The following LRFN5 variants were observed in gnomAD, a reference collection of about 807,000 sequenced individuals.
The protein encoded by LRFN5 is leucine rich repeat and fibronectin type III domain containing 5, also known as leucine-rich repeat and fibronectin type-III domain-containing protein 5.
Under a neutral mutation model 45.6 loss-of-function variants are expected in LRFN5, and 24 were observed. That is an observed-to-expected ratio of 0.53 (90% CI 0.38 to 0.74). LRFN5 has a LOEUF of 0.74. Ranked by LOEUF, LRFN5 falls within the 30% of genes least tolerant of loss-of-function variation. The pLI is 0.00. For synonymous variants in LRFN5, 340 were observed against 313.8 expected (o/e 1.08, Z -0.88); for missense variants, 776 against 861.5 (o/e 0.90, Z 1.24).
At chr14:41,753,957 A>G (rs1338335317) in intron 1 of LRFN5, among the ~76,000 whole-genome samples, 2 of 152,164 alleles carry the variant, frequency 1.3e-5, no homozygotes, top group African/African-American at 4.8e-5. Flanking sequence ...TAATTTATTG[A>G]GAGTTTTTAG....
intron 2 of LRFN5, among the ~76,000 whole-genome samples, chr14:41,822,018 A>T (rs532982154): frequency 2.7e-4 from 41 of 151,772 alleles, no homozygotes; most frequent in African/African-American, 8.7e-4. Context: ...CTTGTTTTTC[A>T]ACTTTGATTG....
rs530540221 is a variant in LRFN5 at position 41,622,960 on chromosome 14, A to G, written c.-197+14398A>G. Among the ~76,000 whole-genome samples the G allele has an allele frequency of 1.6e-3, 238 of 152,252 alleles. 1 individual carries two copies. Among genetic ancestry groups the G allele is most frequent in the Non-Finnish European group, 2.6e-3 (176 of 68,008 alleles). ...GCTTATATGAGACAAAAACGAACTC[A>G]ATTTTAACTGAGTTATGATATACCA... On this transcript the variant is annotated intron_variant, in intron 1 of 5. Coordinates refer to ENST00000298119, the MANE Select transcript of LRFN5 (RefSeq NM_152447.5).
intron 2 of LRFN5, among the ~76,000 whole-genome samples, chr14:41,885,348 GA>G (rs1890531142): frequency 1.3e-5 from 2 of 149,194 alleles, no homozygotes; most frequent in Non-Finnish European, 3.0e-5. Context: ...AAGAAAGAAA[GA>G]AAAAAAGAAA....
chr14:41,682,009 G>T (rs1051019383), intron 1 of LRFN5, among the ~76,000 whole-genome samples: 1 of 150,926 alleles, frequency 6.6e-6, no homozygotes, highest in Non-Finnish European at 1.5e-5. Context: ...GTAGAGACAG[G>T]GTTTCACCAT....
At chr14:41,741,356 T>C (rs1309444770) in intron 1 of LRFN5, among the ~76,000 whole-genome samples, 1 of 151,738 alleles carries the variant, frequency 6.6e-6, no homozygotes, top group African/African-American at 2.4e-5. Flanking sequence ...AAAGAAGATA[T>C]ATTGATGAAT....
chr14:41,637,810 C>A (rs762667437), intron 1 of LRFN5, among the ~76,000 whole-genome samples: 1 of 152,096 alleles, frequency 6.6e-6, no homozygotes, highest in African/African-American at 2.4e-5. Flanking sequence ...TTCATAATTT[C>A]GAGGGAGTCC....
chr14:41,858,539 G>C (rs1889552854), intron 2 of LRFN5, among the ~76,000 whole-genome samples: 1 of 151,580 alleles, frequency 6.6e-6, no homozygotes, highest in Admixed American at 6.6e-5. Flanking sequence ...TTCTCTTTTG[G>C]GACTTTTCCT....
chr14:41,737,469 C>T (rs1175606724), intron 1 of LRFN5, among the ~76,000 whole-genome samples: 1 of 152,082 alleles, frequency 6.6e-6, no homozygotes, highest in East Asian at 1.9e-4. Flanking sequence ...TCTCTCCACT[C>T]CTATTCAACA....
intron 1 of LRFN5, among the ~76,000 whole-genome samples, chr14:41,694,423 T>G (rs1225230490): frequency 2.0e-5 from 3 of 151,994 alleles, no homozygotes; most frequent in African/African-American, 7.2e-5. Context: ...ATATATAAAT[T>G]CTACAAATCG....
chr14:41,700,989 A>G (rs1594627805), intron 1 of LRFN5: 1 of 152,158 alleles, frequency 6.6e-6, no homozygotes, highest in Non-Finnish European at 1.5e-5. Flanking sequence ...CAAAATGGAA[A>G]GGTAAATTAA....
At chr14:41,760,211 A>G (rs1885602676) in intron 1 of LRFN5, among the ~76,000 whole-genome samples, 2 of 152,230 alleles carry the variant, frequency 1.3e-5, no homozygotes, top group African/African-American at 4.8e-5. Flanking sequence ...ACGTATAGCC[A>G]CAAATAATTC....
At chr14:41,815,367 T>C (rs1887881323) in intron 2 of LRFN5, among the ~76,000 whole-genome samples, 1 of 152,198 alleles carries the variant, frequency 6.6e-6, no homozygotes, top group Non-Finnish European at 1.5e-5. Context: ...TCTTGCTTTC[T>C]TTGGATTAGT....
At chr14:41,851,221 A>G (rs1281502451) in intron 2 of LRFN5, among the ~76,000 whole-genome samples, 1 of 151,776 alleles carries the variant, frequency 6.6e-6, no homozygotes, top group Non-Finnish European at 1.5e-5. Context: ...CTGAAAACAC[A>G]TGCTATGTAT....
At chr14:41,819,408 TTC>T (rs1491033848) in intron 2 of LRFN5, among the ~76,000 whole-genome samples, 4 of 152,164 alleles carry the variant, frequency 2.6e-5, no homozygotes, top group Non-Finnish European at 4.4e-5. Flanking sequence ...TTAATAACCA[TTC>T]TGATTCACGA....
At chr14:41,820,069 G>T (rs1042089168) in intron 2 of LRFN5, among the ~76,000 whole-genome samples, 39 of 151,510 alleles carry the variant, frequency 2.6e-4, no homozygotes, top group African/African-American at 8.2e-4. Flanking sequence ...TCTGTAGGTT[G>T]TCTGATACTG....
At chr14:41,843,086 C>CTTTTTTTTTTTTT (rs539151256) in intron 2 of LRFN5, among the ~76,000 whole-genome samples, 11 of 118,266 alleles carry the variant, frequency 9.3e-5, no homozygotes, top group Non-Finnish European at 1.1e-4. Context: ...TTTGTCTTTT[C>CTTTTTTTTTTTTT]TTTTTTTTTT....
chr14:41,900,412 T>C (rs1339144881), intron 5 of LRFN5, among the ~76,000 whole-genome samples: 1 of 152,076 alleles, frequency 6.6e-6, no homozygotes, highest in African/African-American at 2.4e-5. Context: ...GAAGTCTTTG[T>C]ACTAAGAGAT....
intron 4 of LRFN5, 29 bp downstream of exon 4, chr14:41,891,991 A>G (rs1363805705): frequency 2.5e-6 from 4 of 1,600,348 alleles, no homozygotes; most frequent in Non-Finnish European, 3.4e-6. Flanking sequence ...CTGCTGAGAG[A>G]TCCGGAGCAA....
At chr14:41,893,510 T>C in intron 4 of LRFN5, 1 of 984,700 alleles carries the variant, frequency 1.0e-6, no homozygotes, top group Non-Finnish European at 1.2e-6. Context: ...TGTCAAGTAC[T>C]CTTTGGGAGT....
Sources: allele counts gnomAD v4.1 joint callset (sites outside exome capture counted in the v4.1 genomes callset), GRCh38; gene constraint gnomAD v4.1.1; transcripts MANE v1.5; gene names NCBI Gene and HGNC (gene_info 2026-07-23, HGNC 2026-07-21).